DEUP1: variants seen among roughly 807,000 people sequenced by gnomAD.
DEUP1 encodes the protein deuterosome assembly protein 1, also known as coiled-coil domain containing 67.
Under a neutral mutation model 87.4 loss-of-function variants are expected in DEUP1, and 82 were observed. The ratio of observed to expected loss-of-function variants is 0.94; its 90% CI spans 0.78 to 1.13. The LOEUF is 1.13. Among genes scored for constraint, DEUP1 ranks in the 50% most tolerant of loss-of-function variants. The pLI, the probability that DEUP1 is intolerant of heterozygous loss-of-function variation, is 0.00. For synonymous variants in DEUP1, 214 were observed against 222.7 expected, an observed-to-expected ratio of 0.96 and a Z score of 0.35; for missense variants, 663 against 681.5, an observed-to-expected ratio of 0.97 and a Z score of 0.30.
intron 13 of DEUP1, among the ~76,000 whole-genome samples, chr11:93,427,228 T>C (rs1947949874): frequency 1.3e-5 from 2 of 150,666 alleles, no homozygotes; most frequent in Admixed American, 1.3e-4. Flanking sequence ...CAAACTATAC[T>C]ACAAGGCTAC....
intron 9 of DEUP1, among the ~76,000 whole-genome samples, chr11:93,391,431 C>T (rs1946761105): frequency 6.6e-6 from 1 of 151,892 alleles, no homozygotes; most frequent in Non-Finnish European, 1.5e-5. Flanking sequence ...CCATTTTGGC[C>T]AGGTGCCGTG....
chr11:93,415,908 T>G (rs1290509397), intron 13 of DEUP1, among the ~76,000 whole-genome samples: 1 of 152,088 alleles, frequency 6.6e-6, no homozygotes, highest in African/African-American at 2.4e-5. Flanking sequence ...GGATGGACAT[T>G]TGAGTCATTT....
chr11:93,388,206 A>G (rs7949990), intron 8 of DEUP1, among the ~76,000 whole-genome samples: 51,280 of 151,834 alleles, frequency 0.34, 9,458 homozygotes, highest in African/African-American at 0.48. Context: ...TGTGGTTGAA[A>G]TTTCTGAAGG....
chr11:93,358,841 C>T (rs1025270677), intron 4 of DEUP1, among the ~76,000 whole-genome samples: 1 of 152,172 alleles, frequency 6.6e-6, no homozygotes, highest in Non-Finnish European at 1.5e-5. Context: ...CCTCAGCCTC[C>T]CAAAGTGCTG....
intron 8 of DEUP1, among the ~76,000 whole-genome samples, chr11:93,387,902 G>A (rs976141076): frequency 6.6e-6 from 1 of 151,996 alleles, no homozygotes; most frequent in Admixed American, 6.6e-5. Flanking sequence ...TATGGGAAGT[G>A]TATATTTCTT....
chr11:93,352,512 T>C, intron 2 of DEUP1: 1 of 644,052 alleles, frequency 1.6e-6, no homozygotes, highest in South Asian at 1.8e-5. Context: ...ACCCAAGATA[T>C]TACTATGTGT....
At chr11:93,331,164 T>TCCCA (rs113037027) in intron 1 of DEUP1, among the ~76,000 whole-genome samples, 1 of 65,716 alleles carries the variant, frequency 1.5e-5, no homozygotes, top group Admixed American at 1.5e-4. Flanking sequence ...CTCCGCTCTG[T>TCCCA]CTCTCTTAAT....
In DEUP1 at chr11:93,434,417, T is replaced by G. The variant is rs572048278; in HGVS notation, c.1639-3126T>G. On this transcript the variant is annotated intron_variant, in intron 13 of 13. Coordinates refer to ENST00000298050, the MANE Select transcript of DEUP1 (RefSeq NM_181645.4). ...CTGTATTTGCCAATTAAAATTAAAA[T>G]TGGGCATGAGAGTACCAAAAGATGC... is the stretch of plus-strand genomic sequence containing the variant. 9.2e-5 allele frequency among the ~76,000 whole-genome samples: 14 copies of G among 152,286 alleles called. No homozygotes were observed. The Middle Eastern group carries it at 0.01, about 111-fold the overall frequency.
Position 93,428,048 on chromosome 11 carries a change from T to C in DEUP1, c.1639-9495T>C, listed in dbSNP as rs929078877. On this transcript the variant is annotated intron_variant, in intron 13 of 13. Coordinates refer to ENST00000298050, the MANE Select transcript of DEUP1 (RefSeq NM_181645.4). ...GTGGGACTGTAAACTAGTTCAACCA[T>C]TGTGGAAGTCAGTGTGGCGATTCCT... Among the ~76,000 whole-genome samples, 210 of 152,106 alleles carry C rather than the reference T, an allele frequency of 1.4e-3. 1 individual carries two copies. The highest frequency in any genetic ancestry group is 4.9e-3 in the African/African-American group (202 of 41,480).
At chr11:93,369,898 C>G (rs139153428) in intron 5 of DEUP1, among the ~76,000 whole-genome samples, 175 bp from the exon 6 acceptor site, 3,331 of 8,184 alleles carry the variant, frequency 0.41, 1,370 homozygotes, top group South Asian at 0.72. Flanking sequence ...CGCCACTGCA[C>G]TCCAGCCTGG....
In DEUP1 at chr11:93,408,357, C is replaced by A. The variant is rs867834868; in HGVS notation, c.1453C>A (p.Gln485Lys). Residue 485 changes from glutamine (Q) to lysine (K), a missense_variant, in exon 12 of 14, where the codon CAA becomes AAA. By Grantham distance (53) the Gln-to-Lys change is moderately conservative. Transcript: ENST00000298050. ...HVNGKSTWTN[Q>K]NTYEETGRYA... ...CAATGGAAAATCAACCTGGACTAATCAAAACACCTATGAAGAAACAGGAAG... is the reference window on the plus strand; with the variant it reads ...CAATGGAAAATCAACCTGGACTAATAAAAACACCTATGAAGAAACAGGAAG... The A allele has an allele frequency of 1.3e-6, 2 of 1,575,012 alleles. No homozygotes were observed. The highest frequency in any genetic ancestry group is 8.6e-7 in the Non-Finnish European group (1 of 1,159,356).
intron 7 of DEUP1, among the ~76,000 whole-genome samples, chr11:93,381,392 GACA>G (rs1591187850): frequency 1.3e-5 from 2 of 152,086 alleles, no homozygotes; most frequent in East Asian, 3.9e-4. Flanking sequence ...AATGCAAAAA[GACA>G]ACAATTTACA....
chr11:93,383,424 A>C, intron 7 of DEUP1: 9 of 451,278 alleles, frequency 2.0e-5, no homozygotes, highest in Non-Finnish European at 2.4e-5. Flanking sequence ...GCAATTCCAT[A>C]GAGATAGAAC....
intron 13 of DEUP1, among the ~76,000 whole-genome samples, chr11:93,436,178 G>A (rs1343271282): frequency 6.6e-6 from 1 of 152,090 alleles, no homozygotes; most frequent in Non-Finnish European, 1.5e-5. Flanking sequence ...CTTTTATGGG[G>A]TTTATCTTTC....
intron 11 of DEUP1, among the ~76,000 whole-genome samples, chr11:93,397,234 G>A (rs1230601278): frequency 6.6e-6 from 1 of 151,972 alleles, no homozygotes; most frequent in African/African-American, 2.4e-5. Context: ...TTATATACTT[G>A]TTCTCATAAT....
chr11:93,376,468 C>T (rs535083429), intron 7 of DEUP1, among the ~76,000 whole-genome samples: 1 of 152,088 alleles, frequency 6.6e-6, no homozygotes, highest in African/African-American at 2.4e-5. Context: ...GTTTGAATAT[C>T]TCCTGTTTCA....
intron 12 of DEUP1, among the ~76,000 whole-genome samples, chr11:93,413,776 C>A (rs1947519266): frequency 6.6e-6 from 1 of 152,270 alleles, no homozygotes; most frequent in African/African-American, 2.4e-5. Flanking sequence ...TGCTGTATGA[C>A]TTTCACTGAA....
chr11:93,374,545 C>T (rs1361826408), intron 7 of DEUP1, among the ~76,000 whole-genome samples: 1 of 152,066 alleles, frequency 6.6e-6, no homozygotes, highest in African/African-American at 2.4e-5. Context: ...GTGTTCTTTC[C>T]AGACTTTATG....
intron 2 of DEUP1, among the ~76,000 whole-genome samples, chr11:93,337,621 T>C (rs1005653284): frequency 1.3e-5 from 2 of 152,100 alleles, no homozygotes; most frequent in South Asian, 4.1e-4. Flanking sequence ...CAAAGTAAAG[T>C]ACATCTGGGT....
Sources: gnomAD v4.1 joint callset for allele counts (sites outside exome capture counted in the v4.1 genomes callset) on GRCh38, gnomAD v4.1.1 for gene constraint, MANE v1.5 for transcripts, NCBI Gene and HGNC (gene_info 2026-07-23, HGNC 2026-07-21) for gene names.